The following PLCH1 variants were observed in gnomAD, a reference collection of about 807,000 sequenced individuals.
PLCH1 encodes the protein 1-phosphatidylinositol 4,5-bisphosphate phosphodiesterase eta-1.
PLCH1 carries 60 observed loss-of-function variants against 126.7 expected under a neutral mutation model. That is an observed-to-expected ratio of 0.47 (90% CI 0.38 to 0.59). PLCH1 has a LOEUF of 0.59. PLCH1 is among the 20% of genes least tolerant of loss of function. The pLI, the probability that PLCH1 is intolerant of heterozygous loss-of-function variation, is 0.00. For synonymous variants in PLCH1, 719 were observed against 734.9 expected, an observed-to-expected ratio of 0.98 and a Z score of 0.35; for missense variants, 1,723 against 2,040.0, an observed-to-expected ratio of 0.84 and a Z score of 2.99.
At chr3:155,609,795 T>C (rs185794157) in intron 2 of PLCH1, among the ~76,000 whole-genome samples, 191 of 151,916 alleles carry the variant, frequency 1.3e-3, no homozygotes, top group Non-Finnish European at 2.0e-3. Flanking sequence ...AAGAAAAAAC[T>C]TCAGAGCTCA....
intron 1 of PLCH1, among the ~76,000 whole-genome samples, chr3:155,744,363 G>A (rs1190460526): frequency 6.6e-6 from 1 of 152,208 alleles, no homozygotes; most frequent in Non-Finnish European, 1.5e-5. Context: ...CCTGAGCAGG[G>A]TCACCGGGCG....
intron 2 of PLCH1, among the ~76,000 whole-genome samples, chr3:155,673,913 A>T (rs1316003205): frequency 6.6e-6 from 1 of 152,218 alleles, no homozygotes; most frequent in Non-Finnish European, 1.5e-5. Context: ...TCTTTTCATT[A>T]AAGTATATGA....
downstream of PLCH1, among the ~76,000 whole-genome samples, chr3:155,474,915 TG>T (rs1426035148): frequency 9.1e-6 from 1 of 109,422 alleles, no homozygotes; most frequent in Non-Finnish European, 1.8e-5. Flanking sequence ...TATCACACTC[TG>T]GGGACTGTGG....
At chr3:155,485,927 T>C in intron 21 of PLCH1, 4 of 600,822 alleles carry the variant, frequency 6.7e-6, no homozygotes, top group Non-Finnish European at 8.8e-6. Context: ...CTTCCATTCT[T>C]ACATCAAGCT....
chr3:155,514,713 A>C lies in PLCH1; in HGVS notation c.1632+10T>G, dbSNP rs1411844316. ...CTGTTGAAGGATAAGTACAAGAGGGAATCAGATACCTGCTTCAGGTGTGCA... is the reference window on the plus strand; with the variant it reads ...CTGTTGAAGGATAAGTACAAGAGGGCATCAGATACCTGCTTCAGGTGTGCA... On this transcript the variant is annotated intron_variant, in intron 12 of 22. Coordinates refer to ENST00000460012, the MANE Select transcript of PLCH1 (RefSeq NM_014996.4). 6.6e-7 allele frequency: 1 copy of C among 1,514,272 alleles called. No homozygotes were observed. The highest frequency in any genetic ancestry group is 8.9e-7 in the Non-Finnish European group (1 of 1,122,012). The allele number at this position is 1,514,272 out of a possible 1,614,324, so 93.8% of individuals were successfully genotyped here.
chr3:155,594,241 T>C, intron 3 of PLCH1, 57 bp from the exon 4 acceptor site: 1 of 1,512,722 alleles, frequency 6.6e-7, no homozygotes. Context: ...CTTCTTTACA[T>C]GCACTAAGAA....
At chr3:155,466,559 C>T (rs140661502) in intron 21 of PLCH1, among the ~76,000 whole-genome samples, 1 of 152,100 alleles carries the variant, frequency 6.6e-6, no homozygotes, top group Admixed American at 6.5e-5. Flanking sequence ...GCAATAAATA[C>T]CTGATTTTTC....
chr3:155,699,371 C>T lies in PLCH1; in HGVS notation c.79+4775G>A, dbSNP rs1203197841. 3.3e-5 allele frequency among the ~76,000 whole-genome samples: 5 copies of T among 152,212 alleles called. No homozygotes were observed. The East Asian group carries it at 9.6e-4, about 29-fold the overall frequency. ...GGATTACAGGCGTGAACCACTGCGCCCAGCCTGATACTTTTAATCTTAATG... is the reference window on the plus strand; with the variant it reads ...GGATTACAGGCGTGAACCACTGCGCTCAGCCTGATACTTTTAATCTTAATG... On this transcript the variant is annotated intron_variant, in intron 2 of 22. Transcript: ENST00000460012.
At chr3:155,510,850 C>A (rs1348108691) in intron 12 of PLCH1, among the ~76,000 whole-genome samples, 1 of 91,500 alleles carries the variant, frequency 1.1e-5, no homozygotes, top group East Asian at 2.9e-4. Context: ...TTGCTCTTCT[C>A]GAGGAGTATC....
intron 1 of PLCH1, among the ~76,000 whole-genome samples, chr3:155,716,576 C>A (rs1268269517): frequency 1.3e-5 from 2 of 152,076 alleles, no homozygotes; most frequent in Non-Finnish European, 2.9e-5. Flanking sequence ...GGAGCAGGAG[C>A]AAGAGAATAC....
chr3:155,551,729 T>TA (rs1227254765), intron 9 of PLCH1, among the ~76,000 whole-genome samples: 11 of 149,640 alleles, frequency 7.4e-5, no homozygotes, highest in Non-Finnish European at 1.3e-4. Context: ...ACAATGTCAT[T>TA]AGTGCCAAGG....
intron 2 of PLCH1, among the ~76,000 whole-genome samples, chr3:155,687,745 C>T (rs189467647): frequency 1.4e-4 from 21 of 152,248 alleles, no homozygotes; most frequent in Admixed American, 1.2e-3. Flanking sequence ...TAAAAAATAA[C>T]CATCCTCCTG....
At chr3:155,718,967 T>C (rs1161732920) in intron 1 of PLCH1, among the ~76,000 whole-genome samples, 2 of 152,216 alleles carry the variant, frequency 1.3e-5, no homozygotes, top group African/African-American at 2.4e-5. Flanking sequence ...ATTTCATGAC[T>C]ATATATTTCA....
At chr3:155,606,061 A>G (rs952363674) in intron 2 of PLCH1, among the ~76,000 whole-genome samples, 3 of 152,190 alleles carry the variant, frequency 2.0e-5, no homozygotes, top group African/African-American at 7.2e-5. Context: ...TTTTTTTAAG[A>G]AAAAAGAGCT....
At chr3:155,494,297 G>A in intron 16 of PLCH1, 41 bp downstream of exon 16, 2 of 1,611,014 alleles carry the variant, frequency 1.2e-6, no homozygotes, top group Non-Finnish European at 1.7e-6. Context: ...GTGGCATAGT[G>A]AGAATATACA....
downstream of PLCH1, among the ~76,000 whole-genome samples, chr3:155,479,505 T>A (rs1713705846): frequency 6.6e-6 from 1 of 152,006 alleles, no homozygotes; most frequent in Non-Finnish European, 1.5e-5. Context: ...TCAGACAATT[T>A]CACTTGCCAA....
At position 155,480,846 on chromosome 3, in the gene PLCH1, G is replaced by T; in HGVS notation, c.*122C>A. ...GGGAGAACACATGAAGTCAAAGGGA[G>T]ACCCAAATACAAGTTTAAAAATACA... On this transcript the variant is annotated 3_prime_UTR_variant, in exon 23 of 23. Transcript: ENST00000460012. The T allele has an allele frequency of 1.2e-6, 1 of 835,326 alleles. No individual in the cohort carries two copies. The highest frequency in any genetic ancestry group is 3.6e-4 in the Middle Eastern group (1 of 2,804). The allele number at this position is 835,326 out of a possible 1,614,324, so 51.7% of individuals were successfully genotyped here. A position where few individuals can be genotyped will look rare whatever the true frequency, so the allele number is the denominator to read the frequency against.
chr3:155,465,154 G>A (rs77095581), intron 21 of PLCH1, among the ~76,000 whole-genome samples: 2,101 of 151,768 alleles, frequency 0.014, 21 homozygotes, highest in Non-Finnish European at 0.02. Flanking sequence ...GGGCACTAGA[G>A]GGATTGGTCT....
At chr3:155,497,542 G>A in intron 14 of PLCH1, 125 bp from the exon 15 acceptor site, 1 of 684,128 alleles carries the variant, frequency 1.5e-6, no homozygotes, top group Non-Finnish European at 2.5e-6. Context: ...GGTCCTAAGG[G>A]AGCCAGGATT....
Sources: allele counts gnomAD v4.1 joint callset (sites outside exome capture counted in the v4.1 genomes callset), GRCh38; gene constraint gnomAD v4.1.1; transcripts MANE v1.5; gene names NCBI Gene and HGNC (gene_info 2026-07-23, HGNC 2026-07-21).